The following PTPRD variants were observed in gnomAD, a reference collection of about 807,000 sequenced individuals.
PTPRD encodes the protein receptor-type tyrosine-protein phosphatase delta.
In PTPRD, 34 loss-of-function variants were observed where a neutral mutation model predicts 214.5. That is an observed-to-expected ratio of 0.16 (90% confidence interval 0.12 to 0.21). The LOEUF (loss-of-function observed/expected upper bound fraction) is 0.21. Ranked by LOEUF, PTPRD falls within the 10% of genes least tolerant of loss-of-function variation. The pLI is 1.00. For synonymous variants in PTPRD, 1,128 were observed against 845.7 expected (o/e 1.33, Z -5.79); for missense variants, 2,545 against 2,398.7 (o/e 1.06, Z -1.27).
At chr9:8,468,466 T>C (rs1376842066) in intron 31 of PTPRD, among the ~76,000 whole-genome samples, 1 of 151,974 alleles carries the variant, frequency 6.6e-6, no homozygotes, top group Non-Finnish European at 1.5e-5. Flanking sequence ...CTCTACCCAG[T>C]TTGACCTTGA....
At chr9:9,531,750 C>G (rs1476625763) in intron 8 of PTPRD, among the ~76,000 whole-genome samples, 1 of 152,018 alleles carries the variant, frequency 6.6e-6, no homozygotes, top group African/African-American at 2.4e-5. Context: ...TTTGTTTGAA[C>G]ACCTATTTTT....
chr9:9,669,603 T>C (rs184492952), intron 7 of PTPRD, among the ~76,000 whole-genome samples: 4 of 152,308 alleles, frequency 2.6e-5, no homozygotes, highest in Admixed American at 2.0e-4. Flanking sequence ...ATCAGATTTA[T>C]TGTACTATTC....
intron 5 of PTPRD, among the ~76,000 whole-genome samples, chr9:9,885,898 A>G (rs2070702716): frequency 2.0e-5 from 3 of 152,034 alleles, no homozygotes; most frequent in Admixed American, 2.0e-4. Flanking sequence ...AGAAGGGCCT[A>G]TCTGCCTATC....
intron 10 of PTPRD, among the ~76,000 whole-genome samples, chr9:9,140,956 C>G (rs2099859359): frequency 6.6e-6 from 1 of 152,114 alleles, no homozygotes; most frequent in African/African-American, 2.4e-5. Context: ...TCAATTTCCC[C>G]TGTGGTTAGA....
At chr9:9,387,698 G>A (rs1282480607) in intron 9 of PTPRD, among the ~76,000 whole-genome samples, 1 of 152,086 alleles carries the variant, frequency 6.6e-6, no homozygotes, top group East Asian at 1.9e-4. Flanking sequence ...GAAACAGGAA[G>A]GGTTCCTTTG....
At chr9:8,430,268 A>ATTT (rs146333426) in intron 35 of PTPRD, among the ~76,000 whole-genome samples, 1 of 147,388 alleles carries the variant, frequency 6.8e-6, no homozygotes, top group African/African-American at 2.5e-5. Context: ...AATTTTTTTT[A>ATTT]TTTTTTTTTT....
chr9:10,007,519 G>A (rs1414110831), intron 4 of PTPRD, among the ~76,000 whole-genome samples: 1 of 151,980 alleles, frequency 6.6e-6, no homozygotes, highest in East Asian at 1.9e-4. Flanking sequence ...TGTTTGGATG[G>A]TTTGGGCACT....
At chr9:10,266,242 A>T (rs532457341) in intron 3 of PTPRD, among the ~76,000 whole-genome samples, 2 of 152,282 alleles carry the variant, frequency 1.3e-5, no homozygotes, top group Admixed American at 1.3e-4. Flanking sequence ...TAAACCAAGC[A>T]ATGTAAGGAG....
intron 11 of PTPRD, among the ~76,000 whole-genome samples, chr9:8,751,465 CT>C (rs1475444649): frequency 2.0e-5 from 3 of 151,818 alleles, no homozygotes; most frequent in Non-Finnish European, 4.4e-5. Context: ...AGATCAAAGC[CT>C]TTTTTGTTTG....
chr9:8,694,493 T>C (rs925632380), intron 12 of PTPRD, among the ~76,000 whole-genome samples: 1 of 152,276 alleles, frequency 6.6e-6, no homozygotes, highest in Non-Finnish European at 1.5e-5. Flanking sequence ...GTATTTTCCA[T>C]AGAAAAGTTA....
chr9:9,147,768 T>C (rs1357944043), intron 10 of PTPRD, among the ~76,000 whole-genome samples: 3 of 152,186 alleles, frequency 2.0e-5, no homozygotes, highest in Non-Finnish European at 2.9e-5. Flanking sequence ...CCCCTCTCCC[T>C]GCTTCCCTTC....
At chr9:8,529,014 G>A (rs1048980385) in intron 14 of PTPRD, among the ~76,000 whole-genome samples, 31 of 152,028 alleles carry the variant, frequency 2.0e-4, no homozygotes, top group African/African-American at 7.0e-4. Context: ...CTATGATGAG[G>A]GGATGCAGTG....
chr9:10,482,109 C>G (rs565604070), intron 2 of PTPRD, among the ~76,000 whole-genome samples: 50 of 152,160 alleles, frequency 3.3e-4, no homozygotes, highest in African/African-American at 9.9e-4. Context: ...CGGTGGCTCA[C>G]GCCTGTAATC....
At chr9:10,193,484 G>T (rs2099383609) in intron 3 of PTPRD, among the ~76,000 whole-genome samples, 1 of 152,030 alleles carries the variant, frequency 6.6e-6, no homozygotes, top group Admixed American at 6.6e-5. Flanking sequence ...CAGAGTAATT[G>T]TCAAAAGGCA....
In PTPRD at chr9:8,385,632, G is replaced by A. The variant is rs118117971; in HGVS notation, c.4386+3600C>T. On this transcript the variant is annotated intron_variant, in intron 37 of 45. Transcript: ENST00000381196. Reference sequence around the variant, plus strand: ...CATAAAATAACCAAAAAAGGGGAGAGGGGATGTAAAACTGAACAATAAGGA... The same window carrying A: ...CATAAAATAACCAAAAAAGGGGAGAAGGGATGTAAAACTGAACAATAAGGA... 3.7e-4 allele frequency among the ~76,000 whole-genome samples: 57 copies of A among 152,248 alleles called. No individual in the cohort carries two copies. In the East Asian group the frequency reaches 9.1e-3, roughly 24 times the overall value.
intron 2 of PTPRD, among the ~76,000 whole-genome samples, chr9:10,557,244 C>T (rs540685781): frequency 4.6e-5 from 7 of 152,160 alleles, no homozygotes; most frequent in South Asian, 2.1e-4. Flanking sequence ...TTCTGCTTCT[C>T]TTTTTCTCTG....
chr9:8,319,505 CTATATATT>C (rs1209837765), intron 45 of PTPRD, among the ~76,000 whole-genome samples: 1 of 151,594 alleles, frequency 6.6e-6, no homozygotes, highest in Non-Finnish European at 1.5e-5. Flanking sequence ...ATTATGCTTT[CTATATATT>C]TATATATTTA....
intron 2 of PTPRD, among the ~76,000 whole-genome samples, chr9:10,438,343 T>C (rs1187881732): frequency 6.6e-6 from 1 of 151,698 alleles, no homozygotes; most frequent in Non-Finnish European, 1.5e-5. Context: ...TTTATCAGAT[T>C]ATCAAATGCA....
chr9:9,234,529 T>C (rs2099965311), intron 9 of PTPRD, among the ~76,000 whole-genome samples: 1 of 152,132 alleles, frequency 6.6e-6, no homozygotes, highest in Admixed American at 6.5e-5. Flanking sequence ...CCCCAGAAAA[T>C]TGTTTTCTTC....
Sources: gnomAD v4.1 joint callset for allele counts (sites outside exome capture counted in the v4.1 genomes callset) on GRCh38, gnomAD v4.1.1 for gene constraint, MANE v1.5 for transcripts, NCBI Gene and HGNC (gene_info 2026-07-23, HGNC 2026-07-21) for gene names.